Variants in TRAIP observed in about 807,000 individuals in gnomAD.
TRAIP encodes the protein E3 ubiquitin-protein ligase TRAIP.
In TRAIP, 37 loss-of-function variants were observed where a neutral mutation model predicts 65.0. The observed-to-expected ratio is 0.57, with a 90% CI of 0.44 to 0.75. TRAIP has a LOEUF of 0.75. Ranked by LOEUF, TRAIP falls within the 30% of genes least tolerant of loss-of-function variation. The pLI is 0.00. For missense variants in TRAIP, 481 were observed against 579.4 expected (o/e 0.83, Z 1.74); for synonymous variants, 187 against 219.1 (o/e 0.85, Z 1.29).
chr3:49,848,159 G>C lies in TRAIP; in HGVS notation c.140C>G (p.Pro47Arg). The change falls in exon 2 of 15, where the codon CCA becomes CGA. Residue 47 changes from proline (P) to arginine (R), a missense_variant. Physicochemically the swap from Pro to Arg is moderately radical, Grantham distance 103. Transcript: ENST00000331456. ...TACTCTCACCTGGATTCGGCACTGT[G>C]GGCAGGTCCGACTTGGTGCTGTCTC... ...WFETAPSRTC[P>R]QCRIQVGKRT... 1.9e-6 allele frequency: 3 copies of C among 1,614,172 alleles called. No individual in the cohort carries two copies. Among genetic ancestry groups the C allele is most frequent in the Non-Finnish European group, 2.5e-6 (3 of 1,180,042 alleles).
intron 1 of TRAIP, among the ~76,000 whole-genome samples, chr3:49,852,782 T>TGCTCTACACGTTAAAGAAATC (rs2081944128): frequency 6.7e-6 from 1 of 149,910 alleles, no homozygotes; most frequent in Admixed American, 6.6e-5. Context: ...AGAAAGAAAT[T>TGCTCTACACGTTAAAGAAATC]GCTCTACACG....
chr3:49,832,990 A>C (rs1559445630), intron 10 of TRAIP, among the ~76,000 whole-genome samples: 1 of 151,854 alleles, frequency 6.6e-6, no homozygotes, highest in Non-Finnish European at 1.5e-5. Flanking sequence ...AGCCTGGACT[A>C]TTTCTTCCTT....
intron 3 of TRAIP, 135 bp from the exon 4 acceptor site, chr3:49,844,715 G>GCCAA: frequency 6.8e-6 from 6 of 876,048 alleles, no homozygotes; most frequent in Non-Finnish European, 1.1e-5. Context: ...GTGCCTCAAG[G>GCCAA]CCAAGCTAAG....
At chr3:49,854,548 CTG>C (rs1165108358) in intron 1 of TRAIP, among the ~76,000 whole-genome samples, 2 of 151,990 alleles carry the variant, frequency 1.3e-5, no homozygotes, top group Non-Finnish European at 2.9e-5. Flanking sequence ...ACCCAACTAA[CTG>C]AGGGAAAAAT....
chr3:49,842,972 G>A (rs932832027), intron 5 of TRAIP, among the ~76,000 whole-genome samples: 4 of 152,172 alleles, frequency 2.6e-5, no homozygotes, highest in African/African-American at 9.7e-5. Flanking sequence ...AATTGAGCCA[G>A]GGGAAGCTGG....
At chr3:49,853,301 C>T (rs575855972) in intron 1 of TRAIP, among the ~76,000 whole-genome samples, 15 of 152,210 alleles carry the variant, frequency 9.9e-5, no homozygotes, top group African/African-American at 3.1e-4. Context: ...ATAGCTACAA[C>T]GGAAGCTAGA....
chr3:49,850,717 C>T (rs1392010829), intron 1 of TRAIP, among the ~76,000 whole-genome samples: 7 of 134,532 alleles, frequency 5.2e-5, no homozygotes, highest in South Asian at 2.5e-4. Context: ...TTCAGTGGCA[C>T]GATCTCGGCT....
At chr3:49,836,002 A>G (rs1174903895) in intron 10 of TRAIP, among the ~76,000 whole-genome samples, 1 of 151,172 alleles carries the variant, frequency 6.6e-6, no homozygotes, top group African/African-American at 2.4e-5. Context: ...TCGCTCTGTC[A>G]TCCAGGCTGG....
intron 10 of TRAIP, among the ~76,000 whole-genome samples, chr3:49,837,906 G>A (rs1575392926): frequency 6.9e-6 from 1 of 144,180 alleles, no homozygotes; most frequent in African/African-American, 2.6e-5. Flanking sequence ...CAAGAGAGAC[G>A]GGGTCTTACT....
intron 11 of TRAIP, among the ~76,000 whole-genome samples, chr3:49,830,791 G>A (rs539398841): frequency 6.6e-5 from 10 of 152,338 alleles, no homozygotes; most frequent in Admixed American, 1.3e-4. Flanking sequence ...AAGCCATAAG[G>A]ACAAGAGTGG....
intron 11 of TRAIP, 99 bp downstream of exon 11, chr3:49,831,817 T>G: frequency 2.2e-6 from 3 of 1,351,244 alleles, no homozygotes; most frequent in Non-Finnish European, 2.9e-6. Flanking sequence ...CAACCCTCAC[T>G]GCCCCATCAG....
At chr3:49,849,248 G>A (rs1411428323) in intron 1 of TRAIP, among the ~76,000 whole-genome samples, 1 of 151,818 alleles carries the variant, frequency 6.6e-6, no homozygotes, top group Non-Finnish European at 1.5e-5. Context: ...GAGCTTAAGT[G>A]CTCCTCCCAC....
intron 1 of TRAIP, among the ~76,000 whole-genome samples, chr3:49,854,641 A>G (rs1292771613): frequency 6.6e-6 from 1 of 152,224 alleles, no homozygotes; most frequent in Admixed American, 6.5e-5. Context: ...GCAAAACAGA[A>G]TCGACTAAAG....
rs369846546 is a variant in TRAIP, at chr3:49,839,758, A to G, written c.884+14T>C. 2.5e-6 allele frequency: 4 copies of G among 1,613,292 alleles called. No individual in the cohort carries two copies. The African/African-American group carries it at 4.0e-5, about 16-fold the overall frequency. On this transcript the variant is annotated intron_variant, in intron 10 of 14. Coordinates refer to ENST00000331456, the MANE Select transcript of TRAIP (RefSeq NM_005879.3). Reference sequence around the variant, plus strand: ...CCACCTTGTGACCCCTGTACCGCCCAAGGCTCAACAAACCTCTCTAAAACC... The same window carrying G: ...CCACCTTGTGACCCCTGTACCGCCCGAGGCTCAACAAACCTCTCTAAAACC...
chr3:49,832,073 AG>A lies in TRAIP; in HGVS notation c.885-6del. 2 of 1,578,224 alleles carry A rather than the reference AG, an allele frequency of 1.3e-6. No homozygotes were observed. Among genetic ancestry groups the A allele is most frequent in the Non-Finnish European group, 8.6e-7 (1 of 1,161,796 alleles). On this transcript the variant is annotated splice_polypyrimidine_tract_variant and splice_region_variant and intron_variant, in intron 10 of 14. Coordinates refer to ENST00000331456, the MANE Select transcript of TRAIP (RefSeq NM_005879.3). The stretch of plus-strand genomic sequence containing the variant: ...TTCACCTCCACAGGGGCTGGGCTGA[AG>A]GCAGAGATGACCTGGTTACTTGGGG...
At position 49,843,927 on chromosome 3, in the gene TRAIP, G is replaced by C. The variant is rs1156915544; in HGVS notation, c.282C>G (p.Asp94Glu). 31 of 1,607,346 alleles carry C rather than the reference G, an allele frequency of 1.9e-5. No homozygotes were observed. Among genetic ancestry groups the C allele is most frequent in the Admixed American group, 5.0e-5 (3 of 59,870 alleles). ...DNVRAQLSQK[D>E]KEKRDSQVII... ...TGACCTGGCTGTCTCGTTTCTCCTT[G>C]TCTGGAGCAGGGGTAGAGGGCGGAG... Residue 94 changes from aspartate to glutamate, a missense_variant and splice_region_variant, in exon 5 of 15, where the codon GAC becomes GAG. Asp to Glu is a conservative substitution (Grantham distance 45). Transcript: ENST00000331456.
intron 6 of TRAIP, 117 bp downstream of exon 6, chr3:49,842,336 A>G (rs556294010): frequency 1.4e-5 from 14 of 988,692 alleles, no homozygotes; most frequent in Middle Eastern, 3.1e-4. Flanking sequence ...TCCATGGCCT[A>G]TGGAGATTTG....
chr3:49,846,602 C>A (rs2081884663), intron 3 of TRAIP, among the ~76,000 whole-genome samples: 1 of 152,344 alleles, frequency 6.6e-6, no homozygotes, highest in South Asian at 2.1e-4. Flanking sequence ...CTCCCCTCTT[C>A]CCTCACAGTG....
intron 10 of TRAIP, among the ~76,000 whole-genome samples, chr3:49,832,285 G>C (rs1428431225): frequency 6.6e-6 from 1 of 152,086 alleles, no homozygotes; most frequent in African/African-American, 2.4e-5. Flanking sequence ...GCGGTCAAGA[G>C]ATCAAGACCA....
Sources: gnomAD v4.1 joint callset for allele counts (sites outside exome capture counted in the v4.1 genomes callset) on GRCh38, gnomAD v4.1.1 for gene constraint, MANE v1.5 for transcripts, NCBI Gene and HGNC (gene_info 2026-07-23, HGNC 2026-07-21) for gene names.